The following GRM4 variants were observed in gnomAD, a reference collection of about 807,000 sequenced individuals.
The protein encoded by GRM4 is metabotropic glutamate receptor 4.
In GRM4, 28 loss-of-function variants were observed where a neutral mutation model predicts 81.7. That is an observed-to-expected ratio of 0.34 (90% CI 0.25 to 0.47). The LOEUF (loss-of-function observed/expected upper bound fraction) is 0.47. Among genes scored for constraint, GRM4 ranks in the 20% least tolerant of loss-of-function variants. The probability of loss-of-function intolerance (pLI) is 1.00; values close to 1 mark genes in which losing one functional copy is unlikely to be tolerated. For synonymous variants in GRM4, 488 were observed against 528.8 expected (o/e 0.92, Z 1.06); for missense variants, 948 against 1,290.0 (o/e 0.73, Z 4.06).
chr6:34,075,151 A>G (rs1264296438), intron 3 of GRM4, among the ~76,000 whole-genome samples: 3 of 151,854 alleles, frequency 2.0e-5, no homozygotes, highest in Non-Finnish European at 2.9e-5. Flanking sequence ...GCCTGACTGC[A>G]TGGCTCTGTC....
intron 2 of GRM4, among the ~76,000 whole-genome samples, chr6:34,129,639 G>T (rs1449446295): frequency 6.6e-6 from 1 of 152,150 alleles, no homozygotes; most frequent in African/African-American, 2.4e-5. Context: ...CGCAACAGAG[G>T]CCTGTTCAAG....
rs201804932 is a variant in GRM4, at chr6:34,036,548, C to T, written c.1562G>A (p.Ser521Asn). The T allele has an allele frequency of 6.3e-5, 102 of 1,609,044 alleles. No homozygotes were observed. The highest frequency in any genetic ancestry group is 5.0e-5 in the Admixed American group (3 of 59,940). Residue 521 changes from serine (S) to asparagine (N), a missense_variant, in exon 9 of 11, where the codon AGC becomes AAC. Ser to Asn is a conservative substitution (Grantham distance 46, BLOSUM62 1). Transcript: ENST00000538487. This position sits in a 1 kb window ranked among gnomAD's most constrained non-coding sequence, Gnocchi z 9.0. The part of the protein sequence containing the change: ...SGQQLPRSIC[S>N]LPCQPGERKK... ...CCGCTCACCCGGTTGGCAGGGCAGGCTGCAGATGGAGCGGGGCAGCTGCTG... is the reference window on the plus strand; with the variant it reads ...CCGCTCACCCGGTTGGCAGGGCAGGTTGCAGATGGAGCGGGGCAGCTGCTG...
intron 3 of GRM4, among the ~76,000 whole-genome samples, chr6:34,083,825 C>T (rs1329015666): frequency 6.6e-6 from 1 of 152,156 alleles, no homozygotes; most frequent in Non-Finnish European, 1.5e-5. Flanking sequence ...TGCTTCTACC[C>T]ACCTCAAACC....
At chr6:34,094,704 C>T (rs926827157) in intron 2 of GRM4, among the ~76,000 whole-genome samples, 1 of 152,140 alleles carries the variant, frequency 6.6e-6, no homozygotes, top group Non-Finnish European at 1.5e-5. Context: ...TAGCCAGGAG[C>T]GATCATCACC....
upstream of GRM4, among the ~76,000 whole-genome samples, chr6:34,149,227 G>A (rs908343047): frequency 2.0e-5 from 3 of 151,960 alleles, no homozygotes; most frequent in Non-Finnish European, 2.9e-5. Flanking sequence ...AAGTGAGCCT[G>A]GAGGTGCAGA....
chr6:34,106,915 G>T (rs1197961914), intron 2 of GRM4, among the ~76,000 whole-genome samples: 1 of 152,134 alleles, frequency 6.6e-6, no homozygotes, highest in Non-Finnish European at 1.5e-5. Context: ...AGATTCTGTT[G>T]GGGGAAACTT....
intron 6 of GRM4, among the ~76,000 whole-genome samples, chr6:34,044,171 T>TAGAC (rs1409552552): frequency 0.25 from 34,674 of 141,106 alleles, 5,295 homozygotes; most frequent in African/African-American, 0.43. Flanking sequence ...TACACACACA[T>TAGAC]ATACATACAT....
At chr6:34,149,151 G>T (rs545296650), upstream of GRM4, among the ~76,000 whole-genome samples, 11 of 152,004 alleles carry the variant, frequency 7.2e-5, no homozygotes, top group East Asian at 1.2e-3. Flanking sequence ...CCAACCTTTT[G>T]AAAGAATCCT....
chr6:34,095,843 G>A (rs1354896161), intron 2 of GRM4, among the ~76,000 whole-genome samples: 2 of 152,170 alleles, frequency 1.3e-5, no homozygotes, highest in African/African-American at 4.8e-5. Context: ...GGGGCAGGAG[G>A]TGCCAGGGGC....
intron 1 of GRM4, among the ~76,000 whole-genome samples, chr6:34,138,013 C>T (rs2029461): frequency 0.43 from 66,072 of 152,028 alleles, 16,946 homozygotes; most frequent in Admixed American, 0.56. Context: ...ACAACCGGAT[C>T]CGAAGAGAAC....
At position 34,111,975 on chromosome 6, in the gene GRM4, TG is replaced by T. The variant is rs1769401264; in HGVS notation, c.520-19877del. ...GGAGACTTGCCTGGAGATTCTGAAA[TG>T]GGGAGGTCTCCTCACTCACCCCAAG... On this transcript the variant is annotated intron_variant, in intron 2 of 10. Transcript: ENST00000538487. This position sits in a 1 kb window ranked among gnomAD's most constrained non-coding sequence, Gnocchi z 5.1. Among the ~76,000 whole-genome samples the T allele has an allele frequency of 6.6e-6, 1 of 152,050 alleles. No homozygotes were observed. The highest frequency in any genetic ancestry group is 2.4e-5 in the African/African-American group (1 of 41,394).
chr6:34,087,785 C>T (rs1376341834), intron 3 of GRM4, among the ~76,000 whole-genome samples: 1 of 140,992 alleles, frequency 7.1e-6, no homozygotes, highest in Non-Finnish European at 1.6e-5. Flanking sequence ...CAGAACTTCC[C>T]AGACATGCAC....
chr6:34,135,885 G>A (rs2451334), intron 1 of GRM4, among the ~76,000 whole-genome samples: 32,555 of 152,182 alleles, frequency 0.21, 4,529 homozygotes, highest in Non-Finnish European at 0.3. Context: ...TAAAATGGGT[G>A]AGTTGGAGTG....
chr6:34,065,194 C>A (rs1766391403), intron 3 of GRM4, among the ~76,000 whole-genome samples: 1 of 152,170 alleles, frequency 6.6e-6, no homozygotes, highest in Admixed American at 6.5e-5. Flanking sequence ...ACCATCACCA[C>A]AGCCCACCCT....
intron 2 of GRM4, among the ~76,000 whole-genome samples, chr6:34,099,164 C>G (rs2127492320): frequency 6.6e-6 from 1 of 152,348 alleles, no homozygotes; most frequent in East Asian, 1.9e-4. Flanking sequence ...GATGGCAGGG[C>G]CTGGGGACCA....
intron 2 of GRM4, among the ~76,000 whole-genome samples, chr6:34,129,282 T>A (rs1361918584): frequency 1.3e-5 from 2 of 152,196 alleles, no homozygotes; most frequent in African/African-American, 2.4e-5. Context: ...CCCAATGTGC[T>A]GGGATTACAG....
At chr6:34,039,149 C>T (rs1248382229) in intron 8 of GRM4, among the ~76,000 whole-genome samples, 3 of 152,196 alleles carry the variant, frequency 2.0e-5, no homozygotes, top group Admixed American at 6.5e-5. Flanking sequence ...CATTTAGGAA[C>T]AGGCTGTTCC....
intron 1 of GRM4, among the ~76,000 whole-genome samples, chr6:34,138,796 G>A (rs1377781967): frequency 1.3e-5 from 2 of 152,174 alleles, no homozygotes; most frequent in African/African-American, 2.4e-5. Context: ...ATCCCCAGCA[G>A]GCTTTGTGGA....
At chr6:34,141,320 G>A (rs553640170) in intron 1 of GRM4, among the ~76,000 whole-genome samples, 73 of 152,332 alleles carry the variant, frequency 4.8e-4, no homozygotes, top group Admixed American at 1.5e-3. Context: ...AGAACTGAGA[G>A]CCTTAGCTAG....
Sources: allele counts gnomAD v4.1 joint callset (sites outside exome capture counted in the v4.1 genomes callset), GRCh38; gene constraint gnomAD v4.1.1; non-coding constraint Gnocchi (gnomAD v3.1); transcripts MANE v1.5; gene names NCBI Gene and HGNC (gene_info 2026-07-23, HGNC 2026-07-21).